HPS5: variants seen among roughly 807,000 people sequenced by gnomAD.
The protein encoded by HPS5 is HPS5 biogenesis of lysosomal organelles complex 2 subunit 2.
HPS5 carries 83 observed loss-of-function variants against 128.0 expected under a neutral mutation model. The observed-to-expected ratio is 0.65, with a 90% CI of 0.54 to 0.78. The LOEUF is 0.78. Among genes scored for constraint, HPS5 ranks in the 30% least tolerant of loss-of-function variants. HPS5 has a pLI of 0.00. For synonymous variants in HPS5, 475 were observed against 470.2 expected (o/e 1.01, Z -0.13); for missense variants, 1,281 against 1,326.2 (o/e 0.97, Z 0.53).
chr11:18,287,517 A>G lies in HPS5; in HGVS notation c.2717+18T>C. The G allele has an allele frequency of 1.9e-6, 3 of 1,613,504 alleles. No homozygotes were observed. The highest frequency in any genetic ancestry group is 1.3e-5 in the African/African-American group (1 of 75,050). ...TGTCAAAAGAAAGGAGAGTCTGCAA[A>G]TATGCTCTCCTTCTCACCGCTGATC... On this transcript the variant is annotated intron_variant, in intron 18 of 22. Coordinates refer to ENST00000349215, the MANE Select transcript of HPS5 (RefSeq NM_181507.2).
chr11:18,311,508 A>ATTTTTTTT (rs778669578), intron 3 of HPS5, 57 bp from the exon 4 acceptor site: 11 of 780,142 alleles, frequency 1.4e-5, no homozygotes, highest in African/African-American at 4.3e-5. Flanking sequence ...TATTATTATT[A>ATTTTTTTT]TTATTTTTTT....
Position 18,311,374 on chromosome 11 carries a change from A to T in HPS5, c.284+13T>A, listed in dbSNP as rs374602685. ...TTTGAAAAAGGACAGATAGTTTTGG[A>T]ACAGATTCTTACCTGGTAGCTACAG... On this transcript the variant is annotated intron_variant, in intron 4 of 22. Coordinates refer to ENST00000349215, the MANE Select transcript of HPS5 (RefSeq NM_181507.2). 337 of 1,575,262 alleles carry T rather than the reference A, an allele frequency of 2.1e-4. No individual in the cohort carries two copies. The highest frequency in any genetic ancestry group is 3.3e-4 in the Middle Eastern group (2 of 5,988).
At position 18,281,997 on chromosome 11, in the gene HPS5, C is replaced by T. The variant is rs768474391; in HGVS notation, c.3282G>A (p.Lys1094=). 6.2e-7 allele frequency: 1 copy of T among 1,614,222 alleles called. No individual in the cohort carries two copies. Among genetic ancestry groups the T allele is most frequent in the East Asian group, 2.2e-5 (1 of 44,880 alleles). The change falls in exon 22 of 23, where the codon AAG becomes AAA. Residue 1094 remains lysine (K), a synonymous_variant. Transcript: ENST00000349215. ...ECGLALELSE[K]FTRTCDILRI... ...TCAGGATATCGCAGGTTCTGGTAAACTTCTCTGACAACTCAAGGGCCAGAC... is the reference window on the plus strand; with the variant it reads ...TCAGGATATCGCAGGTTCTGGTAAATTTCTCTGACAACTCAAGGGCCAGAC...
intron 16 of HPS5, among the ~76,000 whole-genome samples, chr11:18,290,688 A>G (rs893510897): frequency 1.3e-5 from 2 of 152,176 alleles, no homozygotes; most frequent in Non-Finnish European, 2.9e-5. Context: ...TTGGGAGGCC[A>G]AGGTGGGAAG....
Position 18,285,342 on chromosome 11 carries a change from T to G in HPS5, c.2951+4A>C. 8 of 1,587,886 alleles carry G rather than the reference T, an allele frequency of 5.0e-6. No individual in the cohort carries two copies. Among genetic ancestry groups the G allele is most frequent in the Non-Finnish European group, 6.9e-6 (8 of 1,156,496 alleles). ...ACTTCAGTTTCTAAAAAATTCTCAC[T>G]TACCCACAAGACCTGCAGATGTCTG... On this transcript the variant is annotated splice_donor_region_variant and intron_variant, in intron 20 of 22. Transcript: ENST00000349215.
At chr11:18,315,418 G>C (rs989715871) in intron 2 of HPS5, among the ~76,000 whole-genome samples, 1 of 152,104 alleles carries the variant, frequency 6.6e-6, no homozygotes, top group African/African-American at 2.4e-5. Context: ...TTTGGGACGA[G>C]CCTGGCCAAC....
chr11:18,278,834 A>T lies in HPS5; in HGVS notation c.*1048T>A, dbSNP rs1022078450. The stretch of plus-strand genomic sequence containing the variant: ...AATGTACAGGAGCCTGACAAATGAC[A>T]ATCTACTTACATAATTTAAATAACA... On this transcript the variant is annotated 3_prime_UTR_variant, in exon 23 of 23. Coordinates refer to ENST00000349215, the MANE Select transcript of HPS5 (RefSeq NM_181507.2). The T allele has an allele frequency of 6.6e-6, 1 of 152,622 alleles. No individual in the cohort carries two copies. The highest frequency in any genetic ancestry group is 2.4e-5 in the African/African-American group (1 of 41,462). 9.5% of individuals were successfully genotyped at this position (152,622 alleles called of 1,614,324 possible).
chr11:18,287,867 T>C (rs1326050044), intron 17 of HPS5, 26 bp downstream of exon 17: 1 of 1,613,894 alleles, frequency 6.2e-7, no homozygotes, highest in South Asian at 1.1e-5. Flanking sequence ...CTTTAGCTCA[T>C]ATAAACAATA....
At chr11:18,283,639 CA>C (rs374256848) in intron 21 of HPS5, among the ~76,000 whole-genome samples, 155 bp downstream of exon 21, 118 of 152,024 alleles carry the variant, frequency 7.8e-4, no homozygotes, top group African/African-American at 2.7e-3. Context: ...AGGTAAAAAA[CA>C]AAAACAAAAA....
chr11:18,313,256 T>C (rs1488194615), intron 2 of HPS5, among the ~76,000 whole-genome samples: 1 of 152,126 alleles, frequency 6.6e-6, no homozygotes, highest in African/African-American at 2.4e-5. Flanking sequence ...GTCTGAGCTA[T>C]GTGAAGTATG....
chr11:18,305,160 T>C (rs1372527672), intron 8 of HPS5, among the ~76,000 whole-genome samples: 2 of 152,218 alleles, frequency 1.3e-5, no homozygotes, highest in African/African-American at 4.8e-5. Context: ...ATGAGGCGGT[T>C]AGTAGAGCTA....
At chr11:18,281,209 C>T (rs1858875251) in intron 22 of HPS5, among the ~76,000 whole-genome samples, 1 of 150,536 alleles carries the variant, frequency 6.6e-6, no homozygotes, top group African/African-American at 2.4e-5. Context: ...TCCCGAGTAG[C>T]TGGGAATTAC....
Position 18,300,814 on chromosome 11 carries a change from A to G in HPS5, c.985+14T>C. On this transcript the variant is annotated intron_variant, in intron 9 of 22. Transcript: ENST00000349215. ...AAGCATGAGATTAAAAATTACAAAG[A>G]AAAATATAATTACCTTTGACTTCAC... 1 of 1,338,896 alleles carries G rather than the reference A, an allele frequency of 7.5e-7. No individual in the cohort carries two copies. Among genetic ancestry groups the G allele is most frequent in the Non-Finnish European group, 1.1e-6 (1 of 931,564 alleles). 82.9% of individuals were successfully genotyped at this position (1,338,896 alleles called of 1,614,324 possible).
intron 8 of HPS5, 123 bp downstream of exon 8, chr11:18,305,299 C>A (rs754849859): frequency 4.4e-6 from 3 of 681,430 alleles, no homozygotes; most frequent in Non-Finnish European, 7.9e-6. Flanking sequence ...ATAATTATTT[C>A]CTAACTTTCT....
chr11:18,305,779 C>T lies in HPS5; in HGVS notation c.825-286G>A, dbSNP rs1043469173. 4.8e-5 allele frequency among the ~76,000 whole-genome samples: 7 copies of T among 146,002 alleles called. 1 individual carries two copies. The East Asian group carries it at 1.4e-3, about 29-fold the overall frequency. The stretch of plus-strand genomic sequence containing the variant: ...ACGGAGTCTCGCTCTGTCACCCACG[C>T]TGGAGTGCAGTGGCACAATCTTGGC... On this transcript the variant is annotated intron_variant, in intron 7 of 22. Transcript: ENST00000349215.
intron 14 of HPS5, among the ~76,000 whole-genome samples, chr11:18,294,786 G>A (rs1860849036): frequency 6.6e-6 from 1 of 151,758 alleles, no homozygotes; most frequent in Non-Finnish European, 1.5e-5. Flanking sequence ...ATTGTCTTGG[G>A]CCACACATAA....
chr11:18,285,142 TAAA>T (rs532196282), intron 20 of HPS5, among the ~76,000 whole-genome samples: 1 of 126,028 alleles, frequency 7.9e-6, no homozygotes, highest in Non-Finnish European at 1.7e-5. Context: ...TAAGGCTATT[TAAA>T]AAAAAAAAAA....
chr11:18,280,516 T>C (rs1396480203), intron 22 of HPS5: 1 of 692,388 alleles, frequency 1.4e-6, no homozygotes, highest in Admixed American at 2.1e-5. Context: ...TACCATATGA[T>C]TCCAGAATTC....
At chr11:18,281,503 G>T (rs1051646645) in intron 22 of HPS5, among the ~76,000 whole-genome samples, 1 of 151,454 alleles carries the variant, frequency 6.6e-6, no homozygotes, top group East Asian at 1.9e-4. Context: ...GAGTTCAAGC[G>T]ATTCTCCTGC....
Sources: allele counts gnomAD v4.1 joint callset (sites outside exome capture counted in the v4.1 genomes callset), GRCh38; gene constraint gnomAD v4.1.1; transcripts MANE v1.5; gene names NCBI Gene and HGNC (gene_info 2026-07-23, HGNC 2026-07-21).